The following SHISA9 variants were observed in gnomAD, a reference collection of about 807,000 sequenced individuals.
SHISA9 encodes protein shisa-9.
Under a neutral mutation model 38.0 loss-of-function variants are expected in SHISA9, and 13 were observed. The ratio of observed to expected loss-of-function variants is 0.34; its 90% CI spans 0.22 to 0.54. SHISA9 has a LOEUF of 0.54. SHISA9 is among the 20% of genes least tolerant of loss of function. SHISA9 has a pLI of 0.91. For synonymous variants in SHISA9, 275 were observed against 242.0 expected (o/e 1.14, Z -1.27); for missense variants, 538 against 575.8 (o/e 0.93, Z 0.67).
At chr16:13,107,523 C>T (rs1328965895) in intron 2 of SHISA9, among the ~76,000 whole-genome samples, 1 of 145,934 alleles carries the variant, frequency 6.9e-6, no homozygotes, top group African/African-American at 2.5e-5. Flanking sequence ...ACAGAGTTAA[C>T]TTAACTTTAG....
chr16:13,339,782 C>T, the SHISA9 span, among the ~76,000 whole-genome samples: 1 of 152,162 alleles, frequency 6.6e-6, no homozygotes, highest in Non-Finnish European at 1.5e-5. Flanking sequence ...AACGACTTAA[C>T]TCTGAGTGCC....
the SHISA9 span, among the ~76,000 whole-genome samples, chr16:13,336,567 C>T: frequency 6.6e-6 from 1 of 152,208 alleles, no homozygotes; most frequent in South Asian, 2.1e-4. Context: ...GTTACATTCT[C>T]TCCTTCTCAA....
At chr16:13,064,353 C>G (rs1030184484) in intron 2 of SHISA9, among the ~76,000 whole-genome samples, 1 of 152,180 alleles carries the variant, frequency 6.6e-6, no homozygotes, top group Admixed American at 6.5e-5. Flanking sequence ...GGGAGCTTAT[C>G]TTCCTATTGT....
intron 2 of SHISA9, among the ~76,000 whole-genome samples, chr16:13,023,038 A>T (rs1475859572): frequency 6.6e-6 from 1 of 152,018 alleles, no homozygotes; most frequent in African/African-American, 2.4e-5. Context: ...TTTTTATTAT[A>T]CTTTAAGTTC....
intron 2 of SHISA9, among the ~76,000 whole-genome samples, chr16:12,979,167 A>G (rs1448922891): frequency 6.6e-6 from 1 of 152,164 alleles, no homozygotes; most frequent in African/African-American, 2.4e-5. Context: ...TGCATGGTTT[A>G]TAGCCACACC....
intron 2 of SHISA9, among the ~76,000 whole-genome samples, chr16:12,990,688 C>G (rs929537230): frequency 1.3e-5 from 2 of 152,136 alleles, no homozygotes; most frequent in African/African-American, 2.4e-5. Context: ...CTATTGGCAT[C>G]TAGTGAGTAG....
At chr16:13,048,789 A>G (rs2141896288) in intron 2 of SHISA9, among the ~76,000 whole-genome samples, 1 of 152,338 alleles carries the variant, frequency 6.6e-6, no homozygotes, top group South Asian at 2.1e-4. Flanking sequence ...CTGTTCTAAG[A>G]CAAGCTTTGG....
chr16:13,253,059 A>G, the SHISA9 span, among the ~76,000 whole-genome samples: 1 of 152,194 alleles, frequency 6.6e-6, no homozygotes. Context: ...AATAGGAAAT[A>G]TATTTTCCCT....
intron 2 of SHISA9, 90 bp downstream of exon 2, chr16:12,916,905 A>G: frequency 7.2e-7 from 1 of 1,394,594 alleles, no homozygotes; most frequent in Non-Finnish European, 9.5e-7. Context: ...TGCTTGGGTT[A>G]GTTAAGAGCT....
At chr16:12,920,454 A>G (rs1046206063) in intron 2 of SHISA9, among the ~76,000 whole-genome samples, 3 of 152,362 alleles carry the variant, frequency 2.0e-5, no homozygotes, top group East Asian at 1.9e-4. Context: ...ACTATAGTCA[A>G]TAGTAACTTA....
intron 2 of SHISA9, among the ~76,000 whole-genome samples, chr16:13,163,866 G>T (rs2050615102): frequency 6.6e-6 from 1 of 152,002 alleles, no homozygotes. Context: ...CTTATTAGTT[G>T]TAATAGTTTT....
intron 2 of SHISA9, among the ~76,000 whole-genome samples, chr16:13,162,227 C>T (rs1039737206): frequency 6.6e-6 from 1 of 152,072 alleles, no homozygotes; most frequent in African/African-American, 2.4e-5. Flanking sequence ...GCATATTATT[C>T]TCAGGTTCTT....
At chr16:13,290,862 C>T in the SHISA9 span, among the ~76,000 whole-genome samples, 2 of 152,146 alleles carry the variant, frequency 1.3e-5, no homozygotes, top group Non-Finnish European at 2.9e-5. Flanking sequence ...GTTCATTTTA[C>T]TCGCTTATAA....
the SHISA9 span, among the ~76,000 whole-genome samples, chr16:13,283,591 C>T: frequency 5.3e-5 from 8 of 152,004 alleles, no homozygotes; most frequent in Non-Finnish European, 1.2e-4. Flanking sequence ...TTATTCACTA[C>T]CATGAGAATA....
At chr16:13,499,132 C>T in the SHISA9 span, among the ~76,000 whole-genome samples, 1 of 152,300 alleles carries the variant, frequency 6.6e-6, no homozygotes, top group East Asian at 1.9e-4. Flanking sequence ...ATGCAGCATC[C>T]TCTAAAGTAG....
At chr16:13,018,479 A>C (rs1362322639) in intron 2 of SHISA9, among the ~76,000 whole-genome samples, 1 of 152,066 alleles carries the variant, frequency 6.6e-6, no homozygotes, top group Non-Finnish European at 1.5e-5. Flanking sequence ...CCTCCACCTC[A>C]TGGCTTACCT....
At chr16:13,078,245 A>G (rs2073606809) in intron 2 of SHISA9, among the ~76,000 whole-genome samples, 1 of 152,244 alleles carries the variant, frequency 6.6e-6, no homozygotes, top group Admixed American at 6.5e-5. Flanking sequence ...CTCATACAAA[A>G]TGGCATACTA....
chr16:13,096,146 A>G (rs568202118), intron 2 of SHISA9, among the ~76,000 whole-genome samples: 2 of 152,364 alleles, frequency 1.3e-5, no homozygotes, highest in Non-Finnish European at 2.9e-5. Flanking sequence ...TGAAGCGCAG[A>G]TAATCATATG....
At chr16:13,449,229 T>C in the SHISA9 span, among the ~76,000 whole-genome samples, 1 of 152,180 alleles carries the variant, frequency 6.6e-6, no homozygotes, top group Non-Finnish European at 1.5e-5. Flanking sequence ...AATTTTAAAA[T>C]GTACAACAAA....
Sources: allele counts gnomAD v4.1 joint callset (sites outside exome capture counted in the v4.1 genomes callset), GRCh38; gene constraint gnomAD v4.1.1; transcripts MANE v1.5; gene names NCBI Gene and HGNC (gene_info 2026-07-23, HGNC 2026-07-21).